The following FXR1 variants were observed in gnomAD, a reference collection of about 807,000 sequenced individuals.
FXR1 encodes the protein FMR1 autosomal homolog 1.
A neutral mutation model predicts 84.0 loss-of-function variants in FXR1; 15 were observed. That is an observed-to-expected ratio of 0.18 (90% CI 0.12 to 0.27). The LOEUF is 0.27. FXR1 is among the 10% of genes least tolerant of loss of function. FXR1 has a pLI of 1.00. For synonymous variants in FXR1, 245 were observed against 250.7 expected, an observed-to-expected ratio of 0.98 and a Z score of 0.21; for missense variants, 480 against 774.4, an observed-to-expected ratio of 0.62 and a Z score of 4.51.
At chr3:180,950,129 C>T (rs1722077427) in intron 7 of FXR1, among the ~76,000 whole-genome samples, 1 of 152,100 alleles carries the variant, frequency 6.6e-6, no homozygotes, top group African/African-American at 2.4e-5. Context: ...CCTGTTCTTC[C>T]CTGCTACACT....
chr3:180,926,506 A>ATATATATTTTTTT (rs72192827), intron 1 of FXR1, among the ~76,000 whole-genome samples: 1 of 124,380 alleles, frequency 8.0e-6, no homozygotes, highest in African/African-American at 2.9e-5. Flanking sequence ...ATATATATAT[A>ATATATATTTTTTT]TTTTTTTTTC....
At chr3:180,938,533 CTGAG>C (rs1030773058) in intron 3 of FXR1, among the ~76,000 whole-genome samples, 1 of 151,954 alleles carries the variant, frequency 6.6e-6, no homozygotes, top group African/African-American at 2.4e-5. Flanking sequence ...CATTTTATGG[CTGAG>C]TTTTATTTTT....
intron 1 of FXR1, among the ~76,000 whole-genome samples, chr3:180,916,987 A>G (rs937277220): frequency 1.3e-5 from 2 of 152,040 alleles, no homozygotes; most frequent in Non-Finnish European, 2.9e-5. Flanking sequence ...GGGACGCACC[A>G]CCACGCCCAG....
chr3:180,933,270 C>A, intron 1 of FXR1, 64 bp from the exon 2 acceptor site: 2 of 945,884 alleles, frequency 2.1e-6, no homozygotes, highest in East Asian at 4.8e-5. Context: ...TGAACTAATA[C>A]AACCTTTTAG....
chr3:180,967,981 A>G, intron 13 of FXR1, 70 bp from the exon 14 acceptor site: 1 of 947,126 alleles, frequency 1.1e-6, no homozygotes, highest in South Asian at 1.3e-5. Context: ...AATTTGTAGG[A>G]CATAATTTTG....
Position 180,976,924 on chromosome 3 carries a change from T to G in FXR1, c.*632T>G, listed in dbSNP as rs1714294598. The G allele has an allele frequency of 6.6e-6, 1 of 152,574 alleles. No individual in the cohort carries two copies. The highest frequency in any genetic ancestry group is 2.1e-4 in the South Asian group (1 of 4,832). The allele number at this position is 152,574 out of a possible 1,614,324, so 9.5% of individuals were successfully genotyped here. On this transcript the variant is annotated 3_prime_UTR_variant, in exon 17 of 17. Transcript: ENST00000357559. Reference sequence around the variant, plus strand: ...GTTTATTTATTAAAGTGTACAGTATTTAAAAATCAAACATAGCTTTAGTTA... The same window carrying G: ...GTTTATTTATTAAAGTGTACAGTATGTAAAAATCAAACATAGCTTTAGTTA...
Position 180,936,887 on chromosome 3 carries a change from A to ATTTTGTAAGG in FXR1, c.198+1656_198+1657insTTTTGTAAGG, listed in dbSNP as rs562437768. 3.8e-4 allele frequency among the ~76,000 whole-genome samples: 58 copies of ATTTTGTAAGG among 152,338 alleles called. 2 individuals are homozygous for ATTTTGTAAGG. In the South Asian group the frequency reaches 0.012, roughly 32 times the overall value. On this transcript the variant is annotated intron_variant, in intron 3 of 16. Coordinates refer to ENST00000357559, the MANE Select transcript of FXR1 (RefSeq NM_005087.4). ...AGTAACTTTTTGTAAGGATACCTGT[A>ATTTTGTAAGG]ACTATCTGTGTGTATTAGAGTTCTT...
rs1714488797 is a variant in FXR1 at position 180,979,237 on chromosome 3, C to G, written c.*2945C>G. The G allele has an allele frequency of 6.6e-6, 1 of 152,128 alleles. No individual in the cohort carries two copies. The highest frequency in any genetic ancestry group is 2.4e-5 in the African/African-American group (1 of 41,440). 9.4% of individuals were successfully genotyped at this position (152,128 alleles called of 1,614,324 possible). On this transcript the variant is annotated 3_prime_UTR_variant, in exon 17 of 17. Coordinates refer to ENST00000357559, the MANE Select transcript of FXR1 (RefSeq NM_005087.4). ...TGTATCCTCTGCAAACAGATTTACG[C>G]TTTTGAGGCTCAAACCAACTAGTGT...
intron 3 of FXR1, among the ~76,000 whole-genome samples, chr3:180,946,812 C>G (rs1172080812): frequency 1.3e-5 from 2 of 152,154 alleles, no homozygotes; most frequent in Non-Finnish European, 2.9e-5. Flanking sequence ...TTAACAGCCA[C>G]TGATAGGTTT....
At chr3:180,965,722 A>G (rs1000527538) in intron 13 of FXR1, among the ~76,000 whole-genome samples, 2 of 152,174 alleles carry the variant, frequency 1.3e-5, no homozygotes, top group African/African-American at 4.8e-5. Context: ...CCTTTTTGCT[A>G]TCACAGAAAC....
At chr3:180,939,976 GT>G (rs933554699) in intron 3 of FXR1, among the ~76,000 whole-genome samples, 3 of 152,190 alleles carry the variant, frequency 2.0e-5, no homozygotes, top group Non-Finnish European at 4.4e-5. Context: ...GTTTCATATG[GT>G]TTACACTAAC....
intron 3 of FXR1, among the ~76,000 whole-genome samples, chr3:180,944,497 A>T (rs1036733180): frequency 1.3e-5 from 2 of 151,852 alleles, no homozygotes; most frequent in Admixed American, 1.3e-4. Context: ...AATTAAAAAA[A>T]AATTTTTTTT....
chr3:180,957,954 T>C (rs757894126), intron 10 of FXR1, 26 bp downstream of exon 10: 2 of 1,038,910 alleles, frequency 1.9e-6, no homozygotes, highest in East Asian at 5.1e-5. Flanking sequence ...GTAATCTGCC[T>C]CTTTAAAATG....
intron 3 of FXR1, among the ~76,000 whole-genome samples, chr3:180,943,389 A>G (rs763566260): frequency 1.1e-4 from 17 of 148,180 alleles, no homozygotes; most frequent in Non-Finnish European, 2.2e-4. Context: ...CAACCTCCCA[A>G]GTAGCTGGGA....
At chr3:180,937,215 T>G (rs1352383195) in intron 3 of FXR1, among the ~76,000 whole-genome samples, 1 of 152,214 alleles carries the variant, frequency 6.6e-6, no homozygotes, top group African/African-American at 2.4e-5. Context: ...CAAGGAATGA[T>G]GTAGGTTTGG....
chr3:180,932,276 G>C (rs1030660978), intron 1 of FXR1, among the ~76,000 whole-genome samples: 4 of 151,974 alleles, frequency 2.6e-5, no homozygotes, highest in African/African-American at 9.7e-5. Flanking sequence ...GTGTGCCTTG[G>C]ACATTATGGA....
At chr3:180,926,506 A>ATATATATATTTTTTTTTTTTTTT (rs72192827) in intron 1 of FXR1, among the ~76,000 whole-genome samples, 3 of 124,372 alleles carry the variant, frequency 2.4e-5, no homozygotes, top group African/African-American at 8.7e-5. Context: ...ATATATATAT[A>ATATATATATTTTTTTTTTTTTTT]TTTTTTTTTC....
chr3:180,923,121 A>T (rs1190031073), intron 1 of FXR1, among the ~76,000 whole-genome samples: 1 of 152,124 alleles, frequency 6.6e-6, no homozygotes, highest in Admixed American at 6.5e-5. Flanking sequence ...GCATATTTGT[A>T]TGTATAGGCA....
intron 10 of FXR1, among the ~76,000 whole-genome samples, chr3:180,961,165 C>G (rs1023692831): frequency 1.3e-5 from 2 of 151,286 alleles, no homozygotes; most frequent in Non-Finnish European, 2.9e-5. Flanking sequence ...AGAGCAAGAC[C>G]CTGTCTCTAC....
Sources: allele counts gnomAD v4.1 joint callset (sites outside exome capture counted in the v4.1 genomes callset), GRCh38; gene constraint gnomAD v4.1.1; transcripts MANE v1.5; gene names NCBI Gene and HGNC (gene_info 2026-07-23, HGNC 2026-07-21).